MTHFD2L: variants seen among roughly 807,000 people sequenced by gnomAD.
MTHFD2L encodes the protein bifunctional methylenetetrahydrofolate dehydrogenase/cyclohydrolase 2, mitochondrial.
A neutral mutation model predicts 34.9 loss-of-function variants in MTHFD2L; 29 were observed. The ratio of observed to expected loss-of-function variants is 0.83; its 90% CI spans 0.62 to 1.13. The LOEUF is 1.13. Ranked by LOEUF, MTHFD2L falls within the 50% of genes most tolerant of loss-of-function variation. MTHFD2L has a pLI of 0.00. For synonymous variants in MTHFD2L, 167 were observed against 155.7 expected, an observed-to-expected ratio of 1.07 and a Z score of -0.54; for missense variants, 481 against 446.5, an observed-to-expected ratio of 1.08 and a Z score of -0.70.
chr4:74,133,116 G>C (rs1039941390), intron 1 of MTHFD2L, among the ~76,000 whole-genome samples: 1 of 152,180 alleles, frequency 6.6e-6, no homozygotes, highest in Non-Finnish European at 1.5e-5. Flanking sequence ...GTCTGTGAAA[G>C]ACAATTTCTC....
At chr4:74,148,348 T>G (rs1227981748) in intron 1 of MTHFD2L, among the ~76,000 whole-genome samples, 8 of 38,056 alleles carry the variant, frequency 2.1e-4, no homozygotes, top group African/African-American at 7.2e-4. Flanking sequence ...TCCCACACAT[T>G]TTATTTATTT....
At chr4:74,191,391 A>G (rs1378179387) in intron 3 of MTHFD2L, among the ~76,000 whole-genome samples, 1 of 152,014 alleles carries the variant, frequency 6.6e-6, no homozygotes, top group Admixed American at 6.6e-5. Context: ...CCAGAAAGGA[A>G]GAAGTAAATG....
intron 5 of MTHFD2L, among the ~76,000 whole-genome samples, chr4:74,209,056 G>A (rs1735835382): frequency 6.6e-6 from 1 of 152,062 alleles, no homozygotes; most frequent in Middle Eastern, 3.2e-3. Context: ...GGTGAGAAGA[G>A]ACAAACTGGA....
intron 3 of MTHFD2L, among the ~76,000 whole-genome samples, chr4:74,189,599 A>G (rs1458504130): frequency 6.8e-6 from 1 of 146,452 alleles, no homozygotes. Flanking sequence ...ATAGCCACTT[A>G]TGTCTCTCTC....
At chr4:74,285,682 G>A (rs1266767796) in intron 7 of MTHFD2L, among the ~76,000 whole-genome samples, 1 of 151,958 alleles carries the variant, frequency 6.6e-6, no homozygotes, top group African/African-American at 2.4e-5. Flanking sequence ...AATTTTTAAA[G>A]GTCACTAAAC....
intron 6 of MTHFD2L, chr4:74,267,230 A>G: frequency 1.0e-6 from 1 of 985,196 alleles, no homozygotes; most frequent in Non-Finnish European, 1.2e-6. Context: ...GTCTCTCCTC[A>G]TTCCCCAAGT....
rs545524407 is a variant in MTHFD2L at position 74,140,758 on chromosome 4, C to G, written c.-297+15241C>G. On this transcript the variant is annotated intron_variant, in intron 1 of 7. Coordinates refer to the MTHFD2L transcript ENST00000433372. ...AAAAGTGTCCTTCTTCACATGGCAGCAGGAAGAAGAATGAGTGCCCAGTGA... is the reference window on the plus strand; with the variant it reads ...AAAAGTGTCCTTCTTCACATGGCAGGAGGAAGAAGAATGAGTGCCCAGTGA... Among the ~76,000 whole-genome samples the G allele has an allele frequency of 3.3e-5, 5 of 152,268 alleles. No individual in the cohort carries two copies. The South Asian group carries it at 1.0e-3, about 32-fold the overall frequency.
intron 7 of MTHFD2L, among the ~76,000 whole-genome samples, chr4:74,287,514 A>C (rs1748333054): frequency 6.6e-6 from 1 of 152,190 alleles, no homozygotes; most frequent in East Asian, 1.9e-4. Context: ...TGGGAGACCG[A>C]GGAGTGTGGA....
chr4:74,203,538 T>A (rs1202049856), intron 5 of MTHFD2L, among the ~76,000 whole-genome samples: 4 of 152,166 alleles, frequency 2.6e-5, no homozygotes, highest in Non-Finnish European at 5.9e-5. Flanking sequence ...CCTAGGCCTT[T>A]ACGAAGGCCT....
chr4:74,190,361 C>T (rs771280972), intron 3 of MTHFD2L: 54 of 441,082 alleles, frequency 1.2e-4, no homozygotes, highest in South Asian at 5.7e-4. Flanking sequence ...GCAACCTTTG[C>T]GTGATGTGTA....
At chr4:74,153,305 G>C (rs375627122), upstream of MTHFD2L, among the ~76,000 whole-genome samples, 1 of 152,090 alleles carries the variant, frequency 6.6e-6, no homozygotes, top group African/African-American at 2.4e-5. Context: ...GATAACTGAC[G>C]ATATAAATGG....
chr4:74,277,527 A>G (rs1476896402), intron 6 of MTHFD2L, among the ~76,000 whole-genome samples: 1 of 151,926 alleles, frequency 6.6e-6, no homozygotes. Flanking sequence ...TCATCTGGGG[A>G]TTTGTCCTCC....
chr4:74,133,599 A>T (rs558631748), intron 1 of MTHFD2L, among the ~76,000 whole-genome samples: 4 of 152,014 alleles, frequency 2.6e-5, no homozygotes, highest in Admixed American at 1.3e-4. Flanking sequence ...TGTTATTGAG[A>T]TCCTCTAAAG....
chr4:74,239,030 G>A (rs1349637026), intron 6 of MTHFD2L, among the ~76,000 whole-genome samples: 1 of 152,174 alleles, frequency 6.6e-6, no homozygotes, highest in Non-Finnish European at 1.5e-5. Flanking sequence ...AAAGACACAT[G>A]CACATGTATG....
intron 6 of MTHFD2L, among the ~76,000 whole-genome samples, chr4:74,249,031 A>G (rs1297014431): frequency 6.6e-6 from 1 of 152,142 alleles, no homozygotes; most frequent in Non-Finnish European, 1.5e-5. Context: ...ATTCCTGGGT[A>G]TCCTTGTTAA....
chr4:74,164,986 A>G, intron 1 of MTHFD2L: 3 of 985,410 alleles, frequency 3.0e-6, no homozygotes, highest in Non-Finnish European at 3.6e-6. Flanking sequence ...TGTAAACAAT[A>G]TCTAAGGGGT....
chr4:74,187,226 C>T (rs1378887450), intron 3 of MTHFD2L, among the ~76,000 whole-genome samples: 1 of 151,992 alleles, frequency 6.6e-6, no homozygotes, highest in Non-Finnish European at 1.5e-5. Flanking sequence ...AATCAGTAAG[C>T]TTGAAGTTAT....
intron 7 of MTHFD2L, chr4:74,293,593 A>G (rs966674534): frequency 1.2e-4 from 108 of 890,112 alleles, no homozygotes; most frequent in Non-Finnish European, 1.4e-4. Flanking sequence ...TTCCCTCCGG[A>G]GCACTTGATT....
chr4:74,116,488 C>A (rs946439539), intron 2 of MTHFD2L, among the ~76,000 whole-genome samples: 5 of 152,128 alleles, frequency 3.3e-5, no homozygotes, highest in Non-Finnish European at 7.4e-5. Flanking sequence ...TATGACTTCA[C>A]AGCAAATTGC....
Sources: gnomAD v4.1 joint callset for allele counts (sites outside exome capture counted in the v4.1 genomes callset) on GRCh38, gnomAD v4.1.1 for gene constraint, MANE v1.5 for transcripts, NCBI Gene and HGNC (gene_info 2026-07-23, HGNC 2026-07-21) for gene names.